The following SGCD variants were observed in gnomAD, a reference collection of about 807,000 sequenced individuals.
SGCD encodes delta-sarcoglycan.
SGCD carries 18 observed loss-of-function variants against 36.6 expected under a neutral mutation model. The ratio of observed to expected loss-of-function variants is 0.49; its 90% CI spans 0.34 to 0.73. The LOEUF (loss-of-function observed/expected upper bound fraction) is 0.73. SGCD is among the 30% of genes least tolerant of loss of function. The pLI is 0.01. For synonymous variants in SGCD, 133 were observed against 130.6 expected, an observed-to-expected ratio of 1.02 and a Z score of -0.12; for missense variants, 387 against 346.7, an observed-to-expected ratio of 1.12 and a Z score of -0.92.
intron 1 of SGCD, among the ~76,000 whole-genome samples, chr5:155,909,342 A>AG (rs1159344411): frequency 2.6e-5 from 4 of 152,172 alleles, no homozygotes; most frequent in Non-Finnish European, 5.9e-5. Context: ...GCATTTTCTA[A>AG]GGGGATCTTT....
chr5:155,905,715 C>T (rs950048700), intron 1 of SGCD, among the ~76,000 whole-genome samples: 8 of 152,040 alleles, frequency 5.3e-5, no homozygotes, highest in Non-Finnish European at 7.4e-5. Context: ...ACCAGTCTTT[C>T]CTGTATTATT....
chr5:156,333,503 A>G (rs1768167381), intron 2 of SGCD, among the ~76,000 whole-genome samples: 1 of 152,174 alleles, frequency 6.6e-6, no homozygotes, highest in Non-Finnish European at 1.5e-5. Context: ...AATTATTCAC[A>G]TATATCTAGA....
chr5:156,542,347 A>G (rs1324246026), intron 4 of SGCD, among the ~76,000 whole-genome samples: 1 of 152,194 alleles, frequency 6.6e-6, no homozygotes, highest in Non-Finnish European at 1.5e-5. Context: ...CACTTCCGCT[A>G]TTTATGATAA....
At chr5:156,348,660 G>A (rs1226728664) in intron 3 of SGCD, among the ~76,000 whole-genome samples, 1 of 152,132 alleles carries the variant, frequency 6.6e-6, no homozygotes, top group Non-Finnish European at 1.5e-5. Flanking sequence ...TCATTATCAT[G>A]AAAATGACCA....
intron 6 of SGCD, among the ~76,000 whole-genome samples, chr5:156,640,036 G>A (rs1313788390): frequency 6.6e-6 from 1 of 152,050 alleles, no homozygotes; most frequent in African/African-American, 2.4e-5. Context: ...CCCCAGCAAA[G>A]CCTTCGCAGG....
At chr5:155,739,336 G>T in the SGCD span, among the ~76,000 whole-genome samples, 6 of 152,214 alleles carry the variant, frequency 3.9e-5, no homozygotes, top group Non-Finnish European at 8.8e-5. Context: ...GCTGTGATGT[G>T]GGACTGTGAG....
the SGCD span, among the ~76,000 whole-genome samples, chr5:155,759,991 A>T: frequency 6.6e-6 from 1 of 150,872 alleles, no homozygotes; most frequent in African/African-American, 2.4e-5. Flanking sequence ...TTCCAGGAAC[A>T]GATCCACAAG....
At chr5:155,924,928 T>C (rs1304500262) in intron 1 of SGCD, among the ~76,000 whole-genome samples, 2 of 152,240 alleles carry the variant, frequency 1.3e-5, no homozygotes, top group African/African-American at 2.4e-5. Context: ...TGAGGACCAT[T>C]ATCCTTGCAG....
chr5:156,361,919 G>A lies in SGCD; in HGVS notation c.192+17242G>A, dbSNP rs908100366. Among the ~76,000 whole-genome samples, 9 of 152,144 alleles carry A rather than the reference G, an allele frequency of 5.9e-5. 1 individual carries two copies. The highest frequency in any genetic ancestry group is 5.9e-4 in the Admixed American group (9 of 15,280). ...ATTGCATGTGGATTACTTTGGACATGGATCAGCATTTGCCTCCCTGGAAAG... is the reference window on the plus strand; with the variant it reads ...ATTGCATGTGGATTACTTTGGACATAGATCAGCATTTGCCTCCCTGGAAAG... On this transcript the variant is annotated intron_variant, in intron 3 of 8. Transcript: ENST00000337851.
chr5:156,128,148 CA>C (rs1420936567), intron 3 of SGCD, among the ~76,000 whole-genome samples: 1 of 151,994 alleles, frequency 6.6e-6, no homozygotes, highest in African/African-American at 2.4e-5. Flanking sequence ...CCAACAAAGA[CA>C]AGCAGTGGTG....
intron 4 of SGCD, among the ~76,000 whole-genome samples, chr5:156,556,501 T>C (rs1759026759): frequency 1.3e-5 from 2 of 152,168 alleles, no homozygotes; most frequent in African/African-American, 4.8e-5. Context: ...CAAGAGATCA[T>C]TTGTGTTTAG....
In SGCD at chr5:155,891,558, C is replaced by CTTTTTTTTT. The variant is rs372399423; in HGVS notation, c.-282+21145_-282+21153dup. Among the ~76,000 whole-genome samples the CTTTTTTTTT allele has an allele frequency of 3.5e-3, 213 of 60,628 alleles. 10 individuals carry two copies. Among genetic ancestry groups the CTTTTTTTTT allele is most frequent in the East Asian group, 4.5e-3 (9 of 2,016 alleles). 39.8% of individuals were successfully genotyped at this position (60,628 alleles called of 152,430 possible). ...CAAATTCCAGAGAAAAATAAATACT[C>CTTTTTTTTT]TTTTTTTTTTTTTTTTTTTGGTGAC... is the stretch of plus-strand genomic sequence containing the variant. On this transcript the variant is annotated intron_variant, in intron 1 of 9. Coordinates refer to the SGCD transcript ENST00000517913.
chr5:155,891,243 A>T (rs79376991), intron 1 of SGCD, among the ~76,000 whole-genome samples: 170 of 152,278 alleles, frequency 1.1e-3, no homozygotes, highest in African/African-American at 3.8e-3. Flanking sequence ...TATTTCTCAT[A>T]TATGTGCCTT....
chr5:155,833,655 T>C, the SGCD span, among the ~76,000 whole-genome samples: 1 of 152,224 alleles, frequency 6.6e-6, no homozygotes, highest in East Asian at 1.9e-4. Flanking sequence ...TCCAGTCTTG[T>C]TACATGCAGT....
intron 3 of SGCD, among the ~76,000 whole-genome samples, chr5:156,501,162 A>G (rs1226485802): frequency 6.6e-6 from 1 of 152,168 alleles, no homozygotes; most frequent in East Asian, 1.9e-4. Context: ...GGAGGCACAG[A>G]TCTTTTGTCT....
rs141780879 is a variant in SGCD at position 156,719,068 on chromosome 5, C to T, written c.576-38513C>T. On this transcript the variant is annotated intron_variant, in intron 7 of 8. Transcript: ENST00000337851. ...ATGTTTATGTATACAAATATGCACACACACATACAGAGAGAGAGAAGTGGA... is the reference window on the plus strand; with the variant it reads ...ATGTTTATGTATACAAATATGCACATACACATACAGAGAGAGAGAAGTGGA... 8.5e-5 allele frequency among the ~76,000 whole-genome samples: 13 copies of T among 152,144 alleles called. No homozygotes were observed. The East Asian group carries it at 2.3e-3, about 27-fold the overall frequency.
intron 4 of SGCD, among the ~76,000 whole-genome samples, chr5:156,534,085 T>C (rs918715307): frequency 1.3e-5 from 2 of 152,184 alleles, no homozygotes; most frequent in Non-Finnish European, 2.9e-5. Flanking sequence ...AGTGGCAGCC[T>C]AGGGAATAAC....
intron 1 of SGCD, among the ~76,000 whole-genome samples, chr5:155,880,260 A>G (rs5016818): frequency 0.054 from 8,175 of 152,294 alleles, 521 homozygotes; most frequent in African/African-American, 0.15. Context: ...TGCTTGGCAC[A>G]CTGCATGGCC....
the SGCD span, among the ~76,000 whole-genome samples, chr5:155,805,956 G>A: frequency 2.0e-4 from 31 of 152,102 alleles, no homozygotes; most frequent in African/African-American, 7.5e-4. Flanking sequence ...ACCATATTGG[G>A]GCTGGCTTAA....
Sources: gnomAD v4.1 joint callset for allele counts (sites outside exome capture counted in the v4.1 genomes callset) on GRCh38, gnomAD v4.1.1 for gene constraint, MANE v1.5 for transcripts, NCBI Gene and HGNC (gene_info 2026-07-23, HGNC 2026-07-21) for gene names.